Variants in GRM7 observed in about 807,000 individuals in gnomAD.
The protein encoded by GRM7 is glutamate metabotropic receptor 7.
In GRM7, 35 loss-of-function variants were observed where a neutral mutation model predicts 84.5. The observed-to-expected ratio is 0.41, with a 90% CI of 0.32 to 0.55. The LOEUF (loss-of-function observed/expected upper bound fraction) is 0.55. Ranked by LOEUF, GRM7 falls within the 20% of genes least tolerant of loss-of-function variation. The pLI, the probability that GRM7 is intolerant of heterozygous loss-of-function variation, is 0.19. For synonymous variants in GRM7, 487 were observed against 455.1 expected (o/e 1.07, Z -0.89); for missense variants, 1,003 against 1,194.6 (o/e 0.84, Z 2.36).
chr3:7,732,285 C>G (rs973926322), intron 9 of GRM7, among the ~76,000 whole-genome samples: 1 of 152,152 alleles, frequency 6.6e-6, no homozygotes, highest in Non-Finnish European at 1.5e-5. Flanking sequence ...TGAGTGCCAA[C>G]TATACATTGC....
At position 7,161,079 on chromosome 3, in the gene GRM7, C is replaced by A. The variant is rs140520313; in HGVS notation, c.736+14411C>A. Among the ~76,000 whole-genome samples the A allele has an allele frequency of 4.8e-3, 736 of 152,268 alleles. 4 individuals carry two copies. Among genetic ancestry groups the A allele is most frequent in the Middle Eastern group, 0.014 (4 of 294 alleles). ...TCTAAAATTAGAAGACTACTTTCTA[C>A]TCTCAGGTTCTGTCTTCCCCTGAGC... On this transcript the variant is annotated intron_variant, in intron 2 of 9. Transcript: ENST00000357716.
At chr3:7,494,535 A>G (rs1699631388) in intron 7 of GRM7, among the ~76,000 whole-genome samples, 1 of 152,138 alleles carries the variant, frequency 6.6e-6, no homozygotes. Flanking sequence ...TATTTCTTGT[A>G]CTACCCTTTA....
intron 1 of GRM7, among the ~76,000 whole-genome samples, chr3:6,940,339 C>G (rs1697845383): frequency 6.6e-6 from 1 of 152,162 alleles, no homozygotes; most frequent in Non-Finnish European, 1.5e-5. Flanking sequence ...ATCTGCCCAT[C>G]TCGGCCTCCG....
intron 8 of GRM7, among the ~76,000 whole-genome samples, chr3:7,637,521 C>T (rs1698153318): frequency 6.6e-6 from 1 of 152,212 alleles, no homozygotes; most frequent in South Asian, 2.1e-4. Context: ...CCTAAATTTC[C>T]AGAAGAAATC....
At chr3:6,931,857 G>A (rs985633023) in intron 1 of GRM7, among the ~76,000 whole-genome samples, 2 of 152,192 alleles carry the variant, frequency 1.3e-5, no homozygotes, top group African/African-American at 2.4e-5. Flanking sequence ...ATTCAAGTTT[G>A]GGGATTCCAA....
intron 1 of GRM7, among the ~76,000 whole-genome samples, chr3:7,082,550 T>G (rs1407139715): frequency 6.6e-6 from 1 of 152,132 alleles, no homozygotes; most frequent in African/African-American, 2.4e-5. Flanking sequence ...AGGAGTAATT[T>G]TGACTTTCCA....
chr3:7,318,558 G>C (rs1400210116), intron 4 of GRM7, among the ~76,000 whole-genome samples: 1 of 152,036 alleles, frequency 6.6e-6, no homozygotes, highest in Non-Finnish European at 1.5e-5. Flanking sequence ...AATTTGGAAG[G>C]TTGAAGGGGT....
At chr3:6,943,425 C>A (rs760862266) in intron 1 of GRM7, among the ~76,000 whole-genome samples, 4 of 151,736 alleles carry the variant, frequency 2.6e-5, no homozygotes, top group Non-Finnish European at 4.4e-5. Context: ...TATGAAAATC[C>A]AATTATTTCA....
chr3:7,406,224 G>T (rs979575747), intron 4 of GRM7, among the ~76,000 whole-genome samples: 2 of 152,054 alleles, frequency 1.3e-5, no homozygotes, highest in Non-Finnish European at 2.9e-5. Context: ...CTATCGGCCG[G>T]GCGTGGTGGC....
chr3:7,040,873 A>G (rs573934737), intron 1 of GRM7, among the ~76,000 whole-genome samples: 1 of 152,036 alleles, frequency 6.6e-6, no homozygotes, highest in South Asian at 2.1e-4. Context: ...ATTTGAGCTC[A>G]GGAGTTCAAG....
chr3:6,988,096 A>C (rs1200789631), intron 1 of GRM7, among the ~76,000 whole-genome samples: 12 of 144,148 alleles, frequency 8.3e-5, no homozygotes, highest in African/African-American at 2.9e-4. Flanking sequence ...TCCTGGGTTC[A>C]CGCCATTCTC....
intron 1 of GRM7, among the ~76,000 whole-genome samples, chr3:7,020,097 T>G (rs1477109461): frequency 6.6e-6 from 1 of 152,170 alleles, no homozygotes; most frequent in Non-Finnish European, 1.5e-5. Flanking sequence ...TTTGCCCGCC[T>G]CAGCATCCCA....
intron 6 of GRM7, among the ~76,000 whole-genome samples, chr3:7,460,005 G>A (rs891970946): frequency 2.0e-5 from 3 of 147,364 alleles, no homozygotes; most frequent in African/African-American, 7.5e-5. Context: ...ACAGAGACAG[G>A]ATGAGATGGA....
intron 7 of GRM7, among the ~76,000 whole-genome samples, chr3:7,489,941 T>C (rs1253103573): frequency 1.3e-5 from 2 of 151,756 alleles, no homozygotes; most frequent in African/African-American, 4.8e-5. Flanking sequence ...CATAACACTA[T>C]ATACTCCATA....
chr3:6,955,152 C>T (rs1692977197), intron 1 of GRM7, among the ~76,000 whole-genome samples: 2 of 152,260 alleles, frequency 1.3e-5, no homozygotes, highest in South Asian at 2.1e-4. Flanking sequence ...TTTTATTTGG[C>T]CTTCTGTAGT....
intron 7 of GRM7, among the ~76,000 whole-genome samples, chr3:7,546,321 G>A (rs560638552): frequency 5.7e-4 from 87 of 152,232 alleles, no homozygotes; most frequent in Admixed American, 3.3e-3. Flanking sequence ...CCTCCCTCAG[G>A]GACTTCTGTT....
At chr3:7,691,214 C>T in intron 9 of GRM7, 1 of 1,234,660 alleles carries the variant, frequency 8.1e-7, no homozygotes, top group Non-Finnish European at 1.1e-6. Flanking sequence ...TCATAGTAAC[C>T]TCTGAGGACC....
intron 2 of GRM7, among the ~76,000 whole-genome samples, chr3:7,289,554 C>A (rs1367637364): frequency 6.6e-6 from 1 of 152,106 alleles, no homozygotes; most frequent in African/African-American, 2.4e-5. Flanking sequence ...AAGACACATG[C>A]ACATATATGT....
rs76089316 is a variant in GRM7, at chr3:7,417,966, G to A, written c.1174+2803G>A. Among the ~76,000 whole-genome samples the A allele has an allele frequency of 2.6e-3, 394 of 152,116 alleles. No homozygotes were observed. In the Middle Eastern group the frequency reaches 0.034, roughly 13 times the overall value. On this transcript the variant is annotated intron_variant, in intron 5 of 9. Coordinates refer to ENST00000357716, the MANE Select transcript of GRM7 (RefSeq NM_000844.4). ...ATGAGTTCTAAAATCACAAGAAAATGCAAAGTCATGAGAGGAATAATAATT... is the reference window on the plus strand; with the variant it reads ...ATGAGTTCTAAAATCACAAGAAAATACAAAGTCATGAGAGGAATAATAATT...
Sources: allele counts gnomAD v4.1 joint callset (sites outside exome capture counted in the v4.1 genomes callset), GRCh38; gene constraint gnomAD v4.1.1; transcripts MANE v1.5; gene names NCBI Gene and HGNC (gene_info 2026-07-23, HGNC 2026-07-21).